Variants in PTPRD observed in about 807,000 individuals in gnomAD.
PTPRD encodes the protein receptor-type tyrosine-protein phosphatase delta.
PTPRD carries 34 observed loss-of-function variants against 214.5 expected under a neutral mutation model. The observed-to-expected ratio is 0.16, with a 90% CI of 0.12 to 0.21. The LOEUF (loss-of-function observed/expected upper bound fraction) is 0.21. Among genes scored for constraint, PTPRD ranks in the 10% least tolerant of loss-of-function variants. PTPRD has a pLI of 1.00. For synonymous variants in PTPRD, 1,128 were observed against 845.7 expected (o/e 1.33, Z -5.79); for missense variants, 2,545 against 2,398.7 (o/e 1.06, Z -1.27).
At chr9:9,089,827 A>G (rs2099772988) in intron 10 of PTPRD, among the ~76,000 whole-genome samples, 1 of 152,206 alleles carries the variant, frequency 6.6e-6, no homozygotes. Flanking sequence ...TATGTGGGGA[A>G]AGCAGAAGGT....
At chr9:8,887,841 G>A (rs1211972454) in intron 11 of PTPRD, among the ~76,000 whole-genome samples, 1 of 152,014 alleles carries the variant, frequency 6.6e-6, no homozygotes, top group Admixed American at 6.5e-5. Flanking sequence ...TTATTTCCCC[G>A]CCACTTTCAG....
intron 9 of PTPRD, among the ~76,000 whole-genome samples, chr9:9,259,630 G>A (rs1222784605): frequency 6.6e-6 from 1 of 151,956 alleles, no homozygotes; most frequent in Non-Finnish European, 1.5e-5. Context: ...CCATGGGAAA[G>A]TATCACCTTC....
chr9:10,382,212 T>A (rs1175840167), intron 2 of PTPRD, among the ~76,000 whole-genome samples: 2 of 152,012 alleles, frequency 1.3e-5, no homozygotes, highest in Non-Finnish European at 2.9e-5. Flanking sequence ...TTAATTTCAG[T>A]AACTCCACAT....
At chr9:10,311,163 C>G (rs1429513190) in intron 3 of PTPRD, among the ~76,000 whole-genome samples, 1 of 151,728 alleles carries the variant, frequency 6.6e-6, no homozygotes, top group Non-Finnish European at 1.5e-5. Context: ...TTCTCTAGTA[C>G]TAGGGAAAAA....
intron 3 of PTPRD, among the ~76,000 whole-genome samples, chr9:10,193,396 G>A (rs1166335993): frequency 1.3e-5 from 2 of 152,182 alleles, no homozygotes; most frequent in East Asian, 1.9e-4. Flanking sequence ...AGGAGATAGA[G>A]TAGGATCTAG....
intron 8 of PTPRD, among the ~76,000 whole-genome samples, chr9:9,556,821 A>T (rs1400190774): frequency 6.6e-6 from 1 of 152,172 alleles, no homozygotes; most frequent in African/African-American, 2.4e-5. Context: ...GTGAAGCCTC[A>T]AAGATTTCTC....
At chr9:8,770,367 T>G (rs769446892) in intron 11 of PTPRD, among the ~76,000 whole-genome samples, 2 of 151,992 alleles carry the variant, frequency 1.3e-5, no homozygotes, top group Non-Finnish European at 2.9e-5. Flanking sequence ...CGATCCACTA[T>G]CTATTCTAAT....
intron 44 of PTPRD, among the ~76,000 whole-genome samples, chr9:8,322,228 G>A (rs1244931595): frequency 6.6e-6 from 1 of 152,058 alleles, no homozygotes; most frequent in Non-Finnish European, 1.5e-5. Flanking sequence ...CCCTACAATG[G>A]CCTCTAAGTG....
At chr9:10,304,023 T>C (rs1251018807) in intron 3 of PTPRD, among the ~76,000 whole-genome samples, 1 of 152,178 alleles carries the variant, frequency 6.6e-6, no homozygotes, top group Non-Finnish European at 1.5e-5. Context: ...AATAAAATAC[T>C]GGCAAAGTGA....
At chr9:9,896,743 G>C (rs2075085700) in intron 5 of PTPRD, among the ~76,000 whole-genome samples, 1 of 151,870 alleles carries the variant, frequency 6.6e-6, no homozygotes, top group African/African-American at 2.4e-5. Context: ...GGCATCAATT[G>C]AAATATTAGC....
At chr9:10,036,537 T>A (rs2097185275) in intron 3 of PTPRD, among the ~76,000 whole-genome samples, 1 of 145,062 alleles carries the variant, frequency 6.9e-6, no homozygotes, top group Non-Finnish European at 1.5e-5. Context: ...CACACACAAT[T>A]TTGCCAGGAT....
At chr9:10,071,594 G>A (rs970837227) in intron 3 of PTPRD, among the ~76,000 whole-genome samples, 1 of 152,006 alleles carries the variant, frequency 6.6e-6, no homozygotes, top group African/African-American at 2.4e-5. Flanking sequence ...TAGACATAGA[G>A]CTAATAACTT....
At chr9:8,788,805 A>T (rs1427701368) in intron 11 of PTPRD, among the ~76,000 whole-genome samples, 2 of 151,884 alleles carry the variant, frequency 1.3e-5, no homozygotes, top group African/African-American at 4.8e-5. Flanking sequence ...TTATCAACCA[A>T]CTGTTTACTC....
chr9:10,139,226 G>C (rs938260587), intron 3 of PTPRD, among the ~76,000 whole-genome samples: 1 of 151,476 alleles, frequency 6.6e-6, no homozygotes, highest in Non-Finnish European at 1.5e-5. Flanking sequence ...ATAAAATTCA[G>C]TGGAACATAA....
chr9:8,989,970 A>G (rs1472120629), intron 11 of PTPRD, among the ~76,000 whole-genome samples: 2 of 152,212 alleles, frequency 1.3e-5, no homozygotes, highest in Non-Finnish European at 2.9e-5. Context: ...AAGGGCTATA[A>G]AGAAACTTAT....
At chr9:9,411,730 G>C (rs531892533) in intron 8 of PTPRD, among the ~76,000 whole-genome samples, 21 of 152,296 alleles carry the variant, frequency 1.4e-4, no homozygotes, top group Middle Eastern at 3.4e-3. Context: ...TGTTAACTGA[G>C]AGCATTTCTC....
intron 9 of PTPRD, among the ~76,000 whole-genome samples, chr9:9,218,834 A>G (rs2099953996): frequency 6.6e-6 from 1 of 152,140 alleles, no homozygotes; most frequent in African/African-American, 2.4e-5. Flanking sequence ...ACACTACCAG[A>G]CAATCACACC....
At chr9:9,718,899 G>C (rs543151597) in intron 7 of PTPRD, among the ~76,000 whole-genome samples, 33 of 152,178 alleles carry the variant, frequency 2.2e-4, no homozygotes, top group Non-Finnish European at 4.6e-4. Flanking sequence ...ACCATGGAGG[G>C]CACATTAATG....
chr9:9,954,586 G>A (rs1025815696), intron 4 of PTPRD, among the ~76,000 whole-genome samples: 10 of 151,394 alleles, frequency 6.6e-5, no homozygotes, highest in Non-Finnish European at 1.2e-4. Context: ...TGTCATTTAT[G>A]AGAGCACAAT....
Sources: gnomAD v4.1 joint callset for allele counts (sites outside exome capture counted in the v4.1 genomes callset) on GRCh38, gnomAD v4.1.1 for gene constraint, MANE v1.5 for transcripts, NCBI Gene and HGNC (gene_info 2026-07-23, HGNC 2026-07-21) for gene names.